The following HSF2BP variants were observed in gnomAD, a reference collection of about 807,000 sequenced individuals.
HSF2BP encodes the protein heat shock factor 2-binding protein.
A neutral mutation model predicts 35.0 loss-of-function variants in HSF2BP; 35 were observed. The ratio of observed to expected loss-of-function variants is 1.00; its 90% CI spans 0.76 to 1.32. HSF2BP has a LOEUF of 1.32. HSF2BP is among the 40% of genes most tolerant of loss of function. The pLI, the probability that HSF2BP is intolerant of heterozygous loss-of-function variation, is 0.00. For synonymous variants in HSF2BP, 114 were observed against 117.4 expected (o/e 0.97, Z 0.18); for missense variants, 326 against 321.7 (o/e 1.01, Z -0.10).
rs1568885412 is a variant in HSF2BP at position 43,582,463 on chromosome 21, GGCTGAGGGAGATGAAGGGCCT to G, written c.796+9741_796+9761del. ...GTACCTGTTGAGGGAGATGAGGGCCGGCTGAGGGAGATGAAGGGCCTGCTGAGGGAGATGAAGGGCCTGCTG... is the reference window on the plus strand; with the variant it reads ...GTACCTGTTGAGGGAGATGAGGGCCGGCTGAGGGAGATGAAGGGCCTGCTG... On this transcript the variant is annotated intron_variant, in intron 8 of 8. Transcript: ENST00000291560. Among the ~76,000 whole-genome samples, 57 of 116,136 alleles carry G rather than the reference GGCTGAGGGAGATGAAGGGCCT, an allele frequency of 4.9e-4. 1 individual carries two copies. The highest frequency in any genetic ancestry group is 6.5e-3 in the Middle Eastern group (1 of 154). The allele number at this position is 116,136 out of a possible 152,430, so 76.2% of individuals were successfully genotyped here.
At position 43,607,447 on chromosome 21, in the gene HSF2BP, T is replaced by C. The variant is rs1259926099; in HGVS notation, c.692+6383A>G. 2.0e-5 allele frequency among the ~76,000 whole-genome samples: 3 copies of C among 152,252 alleles called. No individual in the cohort carries two copies. The East Asian group carries it at 5.8e-4, about 29-fold the overall frequency. Reference sequence around the variant, plus strand: ...CAGAACACTGCTGAAAGAAGTATCATAGATGACACAACTGGAAAAACATTC... The same window carrying C: ...CAGAACACTGCTGAAAGAAGTATCACAGATGACACAACTGGAAAAACATTC... On this transcript the variant is annotated intron_variant, in intron 7 of 8. Coordinates refer to ENST00000291560, the MANE Select transcript of HSF2BP (RefSeq NM_007031.2).
intron 7 of HSF2BP, among the ~76,000 whole-genome samples, chr21:43,612,792 A>G (rs1015098498): frequency 1.4e-4 from 22 of 151,930 alleles, no homozygotes; most frequent in African/African-American, 5.3e-4. Flanking sequence ...GTCTGTAGAG[A>G]CTCGGTCTCT....
At chr21:43,467,796 CACATTACACAGCACACCACA>C in the HSF2BP span, among the ~76,000 whole-genome samples, 1 of 104,280 alleles carries the variant, frequency 9.6e-6, no homozygotes, top group South Asian at 3.2e-4. Context: ...CCACACACCA[CACATTACACAGCACACCACA>C]CACACACACC....
intron 3 of HSF2BP, among the ~76,000 whole-genome samples, chr21:43,651,107 G>A (rs1293292746): frequency 6.6e-6 from 1 of 152,112 alleles, no homozygotes; most frequent in African/African-American, 2.4e-5. Flanking sequence ...AAGCTAAGCT[G>A]CTGGGCTGTG....
intron 8 of HSF2BP, among the ~76,000 whole-genome samples, chr21:43,589,105 T>C (rs2081893960): frequency 6.6e-6 from 1 of 152,192 alleles, no homozygotes; most frequent in South Asian, 2.1e-4. Flanking sequence ...CAAGGCCACA[T>C]ACATGCTGTG....
chr21:43,621,274 C>A lies in HSF2BP; in HGVS notation c.575-7327G>T, dbSNP rs536298787. ...GGGCACAGTAGCTCATGCCTGTAAT[C>A]CCAGCACTTAGGGAGGCCAAGGCAG... On this transcript the variant is annotated intron_variant, in intron 6 of 8. Transcript: ENST00000291560. 9.2e-5 allele frequency among the ~76,000 whole-genome samples: 14 copies of A among 152,306 alleles called. No homozygotes were observed. The South Asian group carries it at 2.9e-3, about 32-fold the overall frequency.
At chr21:43,657,759 C>T in intron 2 of HSF2BP, 1 of 868,376 alleles carries the variant, frequency 1.2e-6, no homozygotes, top group Non-Finnish European at 1.4e-6. Context: ...TGGGCTTCCA[C>T]GGAGCAGAGA....
At chr21:43,651,770 C>A (rs113504835) in intron 3 of HSF2BP, among the ~76,000 whole-genome samples, 1 of 152,174 alleles carries the variant, frequency 6.6e-6, no homozygotes, top group Non-Finnish European at 1.5e-5. Context: ...ATGCCACCGC[C>A]CTGGCCTAGA....
intron 3 of HSF2BP, among the ~76,000 whole-genome samples, chr21:43,647,732 C>A (rs1484570979): frequency 6.6e-6 from 1 of 151,908 alleles, no homozygotes; most frequent in African/African-American, 2.4e-5. Flanking sequence ...AGTTCAAGAG[C>A]AGCCTAGACA....
At chr21:43,613,341 C>T (rs907836035) in intron 7 of HSF2BP, among the ~76,000 whole-genome samples, 1 of 152,122 alleles carries the variant, frequency 6.6e-6, no homozygotes, top group African/African-American at 2.4e-5. Flanking sequence ...TTCAAAGTGC[C>T]CAGAAGCAGA....
At chr21:43,644,264 G>A (rs1301218946) in intron 4 of HSF2BP, 25 bp downstream of exon 4, 2 of 1,574,406 alleles carry the variant, frequency 1.3e-6, no homozygotes, top group East Asian at 2.2e-5. Flanking sequence ...CTGGCTTGGT[G>A]AGAGTCTGTC....
chr21:43,621,999 A>T (rs540165799), intron 6 of HSF2BP, among the ~76,000 whole-genome samples: 1 of 152,292 alleles, frequency 6.6e-6, no homozygotes, highest in Non-Finnish European at 1.5e-5. Flanking sequence ...GTAAATTGAG[A>T]TAACAAAAAG....
At chr21:43,599,530 A>G (rs1052384716) in intron 7 of HSF2BP, among the ~76,000 whole-genome samples, 1 of 152,202 alleles carries the variant, frequency 6.6e-6, no homozygotes, top group African/African-American at 2.4e-5. Context: ...GCAGTGGCTC[A>G]TGCCTGTAAT....
chr21:43,586,958 T>C (rs1269123100), intron 8 of HSF2BP, among the ~76,000 whole-genome samples: 2 of 152,130 alleles, frequency 1.3e-5, no homozygotes, highest in African/African-American at 4.8e-5. Flanking sequence ...ATCTGTCCAG[T>C]ATATTTTCAT....
At chr21:43,587,143 A>G (rs1439183200) in intron 8 of HSF2BP, among the ~76,000 whole-genome samples, 1 of 152,198 alleles carries the variant, frequency 6.6e-6, no homozygotes, top group Non-Finnish European at 1.5e-5. Flanking sequence ...ATAGTAAACT[A>G]TATATTCACC....
At chr21:43,639,065 C>T (rs1364495666) in intron 4 of HSF2BP, among the ~76,000 whole-genome samples, 1 of 152,164 alleles carries the variant, frequency 6.6e-6, no homozygotes, top group African/African-American at 2.4e-5. Flanking sequence ...TTTTGAGAAA[C>T]AGTGCTGAAG....
At chr21:43,573,047 G>C (rs1219934728) in intron 8 of HSF2BP, among the ~76,000 whole-genome samples, 1 of 152,212 alleles carries the variant, frequency 6.6e-6, no homozygotes, top group East Asian at 1.9e-4. Context: ...AGTGTTTGGT[G>C]AATACATGAA....
intron 8 of HSF2BP, among the ~76,000 whole-genome samples, chr21:43,574,707 C>T (rs1470995713): frequency 6.6e-6 from 1 of 152,168 alleles, no homozygotes; most frequent in Admixed American, 6.5e-5. Context: ...CCTCCCCGAC[C>T]CCAACATCCA....
chr21:43,658,469 T>G, intron 1 of HSF2BP, 149 bp from the exon 2 acceptor site: 6 of 250,812 alleles, frequency 2.4e-5, no homozygotes, highest in Non-Finnish European at 3.9e-5. Context: ...TCCGCGCGCC[T>G]TCCCTCGCTC....
Sources: allele counts gnomAD v4.1 joint callset (sites outside exome capture counted in the v4.1 genomes callset), GRCh38; gene constraint gnomAD v4.1.1; transcripts MANE v1.5; gene names NCBI Gene and HGNC (gene_info 2026-07-23, HGNC 2026-07-21).